ABCA3: variants seen among roughly 807,000 people sequenced by gnomAD.
ABCA3 encodes the protein phospholipid-transporting ATPase ABCA3.
A neutral mutation model predicts 172.8 loss-of-function variants in ABCA3; 88 were observed. The ratio of observed to expected loss-of-function variants is 0.51; its 90% confidence interval spans 0.43 to 0.61. The LOEUF (loss-of-function observed/expected upper bound fraction) is 0.61. Among genes scored for constraint, ABCA3 ranks in the 20% least tolerant of loss-of-function variants. The pLI is 0.00. For missense variants in ABCA3, 2,164 were observed against 2,301.0 expected (o/e 0.94, Z 1.22); for synonymous variants, 1,066 against 983.8 (o/e 1.08, Z -1.56).
chr16:2,308,636 G>C lies in ABCA3; in HGVS notation c.1112-13C>G. On this transcript the variant is annotated splice_polypyrimidine_tract_variant and intron_variant, in intron 10 of 32. Coordinates refer to ENST00000301732, the MANE Select transcript of ABCA3 (RefSeq NM_001089.3). ...GCTGCCATGTTGGCTGCAGGTGTTG[G>C]AAGACCCGGGGGGCGTGAGCGTCAG... is the stretch of plus-strand genomic sequence containing the variant. The C allele has an allele frequency of 6.2e-7, 1 of 1,613,714 alleles. No homozygotes were observed. Among genetic ancestry groups the C allele is most frequent in the Non-Finnish European group, 8.5e-7 (1 of 1,179,780 alleles).
intron 3 of ABCA3, 147 bp from the exon 4 acceptor site, chr16:2,326,639 G>C: frequency 1.1e-6 from 1 of 881,958 alleles, no homozygotes; most frequent in Non-Finnish European, 1.8e-6. Flanking sequence ...GGAGGGAAGG[G>C]TACAAGGCCT....
intron 7 of ABCA3, among the ~76,000 whole-genome samples, chr16:2,320,851 C>G (rs1268574367): frequency 6.6e-6 from 1 of 152,172 alleles, no homozygotes; most frequent in African/African-American, 2.4e-5. Context: ...TTCCAGCCAA[C>G]TTTTCTTCCC....
chr16:2,277,841 G>T lies in ABCA3; in HGVS notation c.4909+38C>A, dbSNP rs535607538. The stretch of plus-strand genomic sequence containing the variant: ...TGGGAGAGGCCTAGGTAGGGGCCCA[G>T]GGCCCACCCAGTGGGGGCTGCCGGG... On this transcript the variant is annotated intron_variant, in intron 31 of 32. Coordinates refer to ENST00000301732, the MANE Select transcript of ABCA3 (RefSeq NM_001089.3). The surrounding 1 kb of genome is among the most constrained non-coding windows in gnomAD (Gnocchi z 5.3). The T allele has an allele frequency of 2.4e-5, 39 of 1,606,774 alleles. 1 individual carries two copies. In the South Asian group the frequency reaches 4.2e-4, roughly 17 times the overall value.
Position 2,289,774 on chromosome 16 carries a change from C to T in ABCA3, c.2514-154G>A, listed in dbSNP as rs527702898. On this transcript the variant is annotated intron_variant, in intron 19 of 32. Coordinates refer to ENST00000301732, the MANE Select transcript of ABCA3 (RefSeq NM_001089.3). ...GTGTTTCCTCACTCATCAGTGTCTC[C>T]GGCCACCATGCACAGCTAATTTTTG... Among the ~76,000 whole-genome samples the T allele has an allele frequency of 1.3e-4, 20 of 152,242 alleles. No individual in the cohort carries two copies. In the South Asian group the frequency reaches 2.9e-3, roughly 22 times the overall value.
In ABCA3 at chr16:2,283,561, T is replaced by A. The variant is rs112191293; in HGVS notation, c.3863-203A>T. ...AGGGGCCAGGCACGTAACAATCCAA[T>A]GCAGTCCCATGAGCGACATGGCAGA... On this transcript the variant is annotated intron_variant, in intron 25 of 32. Coordinates refer to ENST00000301732, the MANE Select transcript of ABCA3 (RefSeq NM_001089.3). The surrounding 1 kb of genome is among the most constrained non-coding windows in gnomAD (Gnocchi z 5.4). The A allele has an allele frequency of 1.7e-6, 1 of 596,062 alleles. No individual in the cohort carries two copies. The allele number at this position is 596,062 out of a possible 1,614,324, so 36.9% of individuals were successfully genotyped here. A position where few individuals can be genotyped will look rare whatever the true frequency, so the allele number is the denominator to read the frequency against.
At position 2,297,032 on chromosome 16, in the gene ABCA3, CGT is replaced by C. The variant is rs1249183725; in HGVS notation, c.2263+295_2263+296del. Among the ~76,000 whole-genome samples, 1 of 152,190 alleles carries C rather than the reference CGT, an allele frequency of 6.6e-6. No homozygotes were observed. Among genetic ancestry groups the C allele is most frequent in the Non-Finnish European group, 1.5e-5 (1 of 68,032 alleles). On this transcript the variant is annotated intron_variant, in intron 17 of 32. Transcript: ENST00000301732. This position sits in a 1 kb window ranked among gnomAD's most constrained non-coding sequence, Gnocchi z 5.6. ...TCACGTGGGAGCTGCCATGTTGGTG[CGT>C]GTGTTGGCCTCTCCAAGGGCAGTGC... is the stretch of plus-strand genomic sequence containing the variant.
Position 2,328,449 on chromosome 16 carries a change from T to C in ABCA3, c.-27+4A>G. Reference sequence around the variant, plus strand: ...TGAACTTCAAGAGTTCATGAGCTGCTAACCTGCTAGAGAAGTAGGTGGTCT... The same window carrying C: ...TGAACTTCAAGAGTTCATGAGCTGCCAACCTGCTAGAGAAGTAGGTGGTCT... On this transcript the variant is annotated splice_donor_region_variant and intron_variant, in intron 3 of 32. Coordinates refer to ENST00000301732, the MANE Select transcript of ABCA3 (RefSeq NM_001089.3). The C allele has an allele frequency of 2.0e-6, 1 of 500,612 alleles. No homozygotes were observed. The highest frequency in any genetic ancestry group is 1.5e-5 in the South Asian group (1 of 68,124). 31.0% of individuals were successfully genotyped at this position (500,612 alleles called of 1,614,324 possible). A position where few individuals can be genotyped will look rare whatever the true frequency, so the allele number is the denominator to read the frequency against.
chr16:2,300,075 A>T lies in ABCA3; in HGVS notation c.1541T>A (p.Leu514His). 1 of 1,613,230 alleles carries T rather than the reference A, an allele frequency of 6.2e-7. No homozygotes were observed. The highest frequency in any genetic ancestry group is 8.5e-7 in the Non-Finnish European group (1 of 1,179,810). Residue 514 changes from leucine to histidine, a missense_variant, in exon 13 of 33, where the codon CTC (leucine) becomes CAC (histidine). Physicochemically the swap from Leu to His is moderately conservative, Grantham distance 99. Coordinates refer to ENST00000301732, the MANE Select transcript of ABCA3 (RefSeq NM_001089.3). ...CTCGGCTTCAAAGTACTCGTTTCTG[A>T]GTGCTTTCTCGGGGTCACTGTCTTC... ...EEEDSDPEKA[L>H]RNEYFEAEPE... is the part of the protein sequence containing the mutation.
In ABCA3 at chr16:2,284,117, G is replaced by A. The variant is rs1038527222; in HGVS notation, c.3862+162C>T. 60 of 855,484 alleles carry A rather than the reference G, an allele frequency of 7.0e-5. No individual in the cohort carries two copies. In the Admixed American group the frequency reaches 8.0e-4, roughly 11 times the overall value. The allele number at this position is 855,484 out of a possible 1,614,324, so 53.0% of individuals were successfully genotyped here. On this transcript the variant is annotated intron_variant, in intron 25 of 32. Transcript: ENST00000301732. The surrounding 1 kb of genome is among the most constrained non-coding windows in gnomAD (Gnocchi z 5.9). ...GTACAGGGCCTGGGAGCGAGCGGGC[G>A]CGAGGGGGCTGCTGTGGGAGGTGGG...
At chr16:2,331,592 T>C (rs2093743338) in intron 1 of ABCA3, among the ~76,000 whole-genome samples, 1 of 152,250 alleles carries the variant, frequency 6.6e-6, no homozygotes, top group African/African-American at 2.4e-5. Flanking sequence ...CGCTTGCATC[T>C]GTTCTGTTTC....
At position 2,297,858 on chromosome 16, in the gene ABCA3, G is replaced by C. The variant is rs150910102; in HGVS notation, c.1960C>G (p.Leu654Val). ...CTCCGTGAGTTCCACTTGTCCTCCA[G>C]GCCGATGATGTGCAGCATCTGCTTG... ...EVKQMLHIIG[L>V]EDKWNSRSRF... Residue 654 changes from leucine to valine, a missense_variant, in exon 16 of 33, where the codon CTG becomes GTG. Leu to Val is a conservative substitution (Grantham distance 32). Coordinates refer to ENST00000301732, the MANE Select transcript of ABCA3 (RefSeq NM_001089.3). The surrounding 1 kb of genome is among the most constrained non-coding windows in gnomAD (Gnocchi z 5.6). 562 of 1,613,848 alleles carry C rather than the reference G, an allele frequency of 3.5e-4. 2 individuals are homozygous for C. In the East Asian group the frequency reaches 6.6e-3, roughly 19 times the overall value.
chr16:2,320,018 C>G (rs916035754), intron 7 of ABCA3, among the ~76,000 whole-genome samples, 178 bp from the exon 8 acceptor site: 1 of 152,114 alleles, frequency 6.6e-6, no homozygotes, highest in Admixed American at 6.6e-5. Context: ...GCACCACACA[C>G]TGACAGCAAA....
At position 2,281,659 on chromosome 16, in the gene ABCA3, T is replaced by A. The variant is rs1202086121; in HGVS notation, c.4036-150A>T. On this transcript the variant is annotated intron_variant, in intron 26 of 32. Coordinates refer to ENST00000301732, the MANE Select transcript of ABCA3 (RefSeq NM_001089.3). The surrounding 1 kb of genome is among the most constrained non-coding windows in gnomAD (Gnocchi z 4.7). ...CAATCTCAGGCCCCACAGGTGCGACTCAGACCTTTTACTAGAAGACACAGT... is the reference window on the plus strand; with the variant it reads ...CAATCTCAGGCCCCACAGGTGCGACACAGACCTTTTACTAGAAGACACAGT... 1 of 934,112 alleles carries A rather than the reference T, an allele frequency of 1.1e-6. No individual in the cohort carries two copies. Among genetic ancestry groups the A allele is most frequent in the African/African-American group, 1.6e-5 (1 of 61,454 alleles). 57.9% of individuals were successfully genotyped at this position (934,112 alleles called of 1,614,324 possible).
At chr16:2,332,863 G>A (rs542987117) in intron 1 of ABCA3, 58 of 548,492 alleles carry the variant, frequency 1.1e-4, no homozygotes, top group East Asian at 9.9e-4. Context: ...TTGGAGTGCC[G>A]TTGCGTGAGC....
intron 10 of ABCA3, among the ~76,000 whole-genome samples, chr16:2,316,867 G>C (rs919263121): frequency 6.6e-6 from 1 of 152,108 alleles, no homozygotes; most frequent in Non-Finnish European, 1.5e-5. Context: ...TGAACCATCC[G>C]AGGTAAAAGG....
intron 10 of ABCA3, among the ~76,000 whole-genome samples, chr16:2,312,821 C>T (rs1019788809): frequency 6.6e-6 from 1 of 151,978 alleles, no homozygotes; most frequent in Non-Finnish European, 1.5e-5. Context: ...CATGAGCCAC[C>T]ATGCCCGGCC....
At position 2,281,462 on chromosome 16, in the gene ABCA3, T is replaced by C. The variant is rs1428319726; in HGVS notation, c.4083A>G (p.Val1361=). The change falls in exon 27 of 33, where the codon GTA becomes GTG. Residue 1361 remains valine, a synonymous_variant. Transcript: ENST00000301732. This position sits in a 1 kb window ranked among gnomAD's most constrained non-coding sequence, Gnocchi z 4.7. ...CCAGGATGCGGGTCCTCTCGTCCGC[T>C]ACATCTTGGTCCTCAGGAAGCACAG... is the stretch of plus-strand genomic sequence containing the variant. The part of the protein sequence containing the change: ...RMPVLPEDQD[V]ADERTRILAP... 17 of 1,613,628 alleles carry C rather than the reference T, an allele frequency of 1.1e-5. No individual in the cohort carries two copies. Among genetic ancestry groups the C allele is most frequent in the Non-Finnish European group, 1.4e-5 (17 of 1,180,006 alleles).
intron 12 of ABCA3, among the ~76,000 whole-genome samples, chr16:2,303,726 A>T (rs1249815886): frequency 6.6e-6 from 1 of 152,104 alleles, no homozygotes; most frequent in African/African-American, 2.4e-5. Flanking sequence ...GGTTCTCTGC[A>T]CCCCTCTGTC....
intron 8 of ABCA3, among the ~76,000 whole-genome samples, chr16:2,319,206 C>T (rs998180873): frequency 1.3e-5 from 2 of 152,094 alleles, no homozygotes; most frequent in African/African-American, 2.4e-5. Flanking sequence ...AGACCTCCGG[C>T]CGGGCACGGT....
Sources: allele counts gnomAD v4.1 joint callset (sites outside exome capture counted in the v4.1 genomes callset), GRCh38; gene constraint gnomAD v4.1.1; non-coding constraint Gnocchi (gnomAD v3.1); transcripts MANE v1.5; gene names NCBI Gene and HGNC (gene_info 2026-07-23, HGNC 2026-07-21).